SMYD3: variants seen among roughly 807,000 people sequenced by gnomAD.
SMYD3 encodes the protein SET and MYND domain containing 3.
Under a neutral mutation model 57.7 loss-of-function variants are expected in SMYD3, and 36 were observed. That is an observed-to-expected ratio of 0.62 (90% CI 0.48 to 0.82). SMYD3 has a LOEUF of 0.82. SMYD3 is among the 40% of genes least tolerant of loss of function. The probability of loss-of-function intolerance (pLI) is 0.00; values close to 1 mark genes in which losing one functional copy is unlikely to be tolerated. For synonymous variants in SMYD3, 211 were observed against 195.0 expected, an observed-to-expected ratio of 1.08 and a Z score of -0.68; for missense variants, 515 against 538.8, an observed-to-expected ratio of 0.96 and a Z score of 0.44.
intron 8 of SMYD3, among the ~76,000 whole-genome samples, chr1:245,871,041 A>G (rs2052163101): frequency 6.6e-6 from 1 of 152,230 alleles, no homozygotes; most frequent in Admixed American, 6.5e-5. Context: ...TAGATTGAAG[A>G]GAGATGGAGT....
intron 10 of SMYD3, among the ~76,000 whole-genome samples, chr1:245,839,792 A>C (rs1474004985): frequency 1.3e-5 from 2 of 152,194 alleles, no homozygotes; most frequent in Non-Finnish European, 2.9e-5. Context: ...AGCAGAATTA[A>C]TAAGCAGGGG....
At chr1:245,809,894 G>A (rs1480732307) in intron 10 of SMYD3, among the ~76,000 whole-genome samples, 3 of 152,194 alleles carry the variant, frequency 2.0e-5, no homozygotes, top group Non-Finnish European at 2.9e-5. Context: ...CTTCATCATA[G>A]ATGACAGGTT....
At chr1:246,341,682 A>G (rs1202944787) in intron 2 of SMYD3, among the ~76,000 whole-genome samples, 2 of 152,228 alleles carry the variant, frequency 1.3e-5, no homozygotes, top group African/African-American at 4.8e-5. Flanking sequence ...TTACACTAAT[A>G]AGAGAAAATC....
chr1:246,009,558 C>T (rs144043301), intron 5 of SMYD3, among the ~76,000 whole-genome samples: 6 of 151,482 alleles, frequency 4.0e-5, no homozygotes, highest in Admixed American at 6.6e-5. Context: ...ACGCAAAAGG[C>T]AATACTGGTT....
intron 5 of SMYD3, among the ~76,000 whole-genome samples, chr1:246,229,695 G>A (rs1334104914): frequency 6.6e-6 from 1 of 152,182 alleles, no homozygotes; most frequent in African/African-American, 2.4e-5. Context: ...TACAGCAAGA[G>A]GGGGCCGAAT....
chr1:246,291,182 T>G (rs1484814262), intron 5 of SMYD3, among the ~76,000 whole-genome samples: 1 of 152,192 alleles, frequency 6.6e-6, no homozygotes, highest in East Asian at 1.9e-4. Context: ...TACAGCTTGC[T>G]AACAAATTAG....
intron 5 of SMYD3, among the ~76,000 whole-genome samples, chr1:246,171,598 TG>T (rs1208183167): frequency 2.0e-5 from 3 of 152,236 alleles, no homozygotes; most frequent in African/African-American, 7.2e-5. Flanking sequence ...TATTGCCTAT[TG>T]CTCCTAGGCT....
At chr1:246,288,565 G>C (rs1253184486) in intron 5 of SMYD3, among the ~76,000 whole-genome samples, 1 of 151,976 alleles carries the variant, frequency 6.6e-6, no homozygotes, top group Non-Finnish European at 1.5e-5. Context: ...CACAAGACTA[G>C]ATAAACCAAC....
chr1:246,450,497 A>C (rs911735171), intron 1 of SMYD3, among the ~76,000 whole-genome samples: 8 of 152,182 alleles, frequency 5.3e-5, no homozygotes, highest in African/African-American at 1.7e-4. Context: ...GATGGCAGTG[A>C]TCTATAATTT....
chr1:245,826,561 C>G (rs1241865823), intron 10 of SMYD3, among the ~76,000 whole-genome samples: 1 of 152,164 alleles, frequency 6.6e-6, no homozygotes, highest in African/African-American at 2.4e-5. Context: ...TTTTATTTCC[C>G]ACGCCAAGTT....
chr1:245,882,886 G>A (rs2052864789), intron 8 of SMYD3, among the ~76,000 whole-genome samples: 1 of 152,202 alleles, frequency 6.6e-6, no homozygotes, highest in African/African-American at 2.4e-5. Context: ...ATGAGCTTAT[G>A]GTAGCATGAA....
At chr1:246,441,744 C>T (rs923634117) in intron 1 of SMYD3, among the ~76,000 whole-genome samples, 3 of 152,120 alleles carry the variant, frequency 2.0e-5, no homozygotes, top group Non-Finnish European at 2.9e-5. Context: ...CCCAAGTAGC[C>T]GAGACCACAG....
chr1:245,798,008 T>C (rs2047625357), intron 10 of SMYD3, among the ~76,000 whole-genome samples: 1 of 152,172 alleles, frequency 6.6e-6, no homozygotes, highest in Non-Finnish European at 1.5e-5. Flanking sequence ...AGATAAAGCC[T>C]TGTTCATTTG....
intron 5 of SMYD3, among the ~76,000 whole-genome samples, chr1:246,262,744 T>C (rs1440647963): frequency 6.6e-6 from 1 of 152,222 alleles, no homozygotes; most frequent in African/African-American, 2.4e-5. Context: ...AATTTACTTG[T>C]CTCTATAAAA....
intron 5 of SMYD3, among the ~76,000 whole-genome samples, chr1:246,094,666 T>G (rs980925243): frequency 2.6e-5 from 4 of 152,320 alleles, no homozygotes; most frequent in Admixed American, 1.3e-4. Flanking sequence ...CCAGAGCCAC[T>G]GCTTTTTCTA....
At chr1:245,921,549 G>GTATATATATATATATATATATATATATA (rs143521072) in intron 7 of SMYD3, among the ~76,000 whole-genome samples, 46 of 141,380 alleles carry the variant, frequency 3.3e-4, no homozygotes, top group Middle Eastern at 3.5e-3. Context: ...AAAATGTGGT[G>GTATATATATATATATATATATATATATA]TATATATATA....
At chr1:246,220,338 C>G (rs910359009) in intron 5 of SMYD3, among the ~76,000 whole-genome samples, 1 of 150,890 alleles carries the variant, frequency 6.6e-6, no homozygotes, top group Non-Finnish European at 1.5e-5. Context: ...CCCAACCCAC[C>G]ATGCAGCTGC....
intron 5 of SMYD3, among the ~76,000 whole-genome samples, chr1:246,311,283 G>T (rs1484011087): frequency 6.6e-6 from 1 of 152,144 alleles, no homozygotes; most frequent in African/African-American, 2.4e-5. Flanking sequence ...TGACTCTGAG[G>T]TGGCAGAAAG....
At chr1:246,264,195 T>C (rs879112349) in intron 5 of SMYD3, among the ~76,000 whole-genome samples, 1 of 152,352 alleles carries the variant, frequency 6.6e-6, no homozygotes, top group Admixed American at 6.5e-5. Context: ...CACTTGGGAC[T>C]GTATATTCTT....
Sources: gnomAD v4.1 joint callset for allele counts (sites outside exome capture counted in the v4.1 genomes callset) on GRCh38, gnomAD v4.1.1 for gene constraint, MANE v1.5 for transcripts, NCBI Gene and HGNC (gene_info 2026-07-23, HGNC 2026-07-21) for gene names.